Variants in ANGPT1 observed in about 807,000 individuals in gnomAD.
ANGPT1 encodes the protein angiopoietin-1.
Under a neutral mutation model 62.2 loss-of-function variants are expected in ANGPT1, and 17 were observed. That is an observed-to-expected ratio of 0.27 (90% CI 0.19 to 0.41). The LOEUF is 0.41. Among genes scored for constraint, ANGPT1 ranks in the 10% least tolerant of loss-of-function variants. ANGPT1 has a pLI of 1.00. For synonymous variants in ANGPT1, 199 were observed against 198.9 expected, an observed-to-expected ratio of 1.00 and a Z score of 0.00; for missense variants, 478 against 594.9, an observed-to-expected ratio of 0.80 and a Z score of 2.04.
At chr8:107,376,548 T>C (rs1210602701) in intron 1 of ANGPT1, among the ~76,000 whole-genome samples, 3 of 152,172 alleles carry the variant, frequency 2.0e-5, no homozygotes, top group Admixed American at 1.3e-4. Flanking sequence ...TTTTGTTTTT[T>C]TGTGGGTTTT....
rs4734972 is a variant in ANGPT1 at position 107,461,066 on chromosome 8, A to G, written c.297+36196T>C. Among the ~76,000 whole-genome samples, 7 of 151,902 alleles carry G rather than the reference A, an allele frequency of 4.6e-5. No homozygotes were observed. The East Asian group carries it at 1.4e-3, about 29-fold the overall frequency. ...AAATATGAAACATCTTTATGGAAAG[A>G]TAATTTTATCTAAATATGTGTAACT... is the stretch of plus-strand genomic sequence containing the variant. On this transcript the variant is annotated intron_variant, in intron 1 of 8. Transcript: ENST00000517746.
chr8:107,308,080 T>C (rs1814763224), intron 4 of ANGPT1, among the ~76,000 whole-genome samples: 1 of 152,240 alleles, frequency 6.6e-6, no homozygotes, highest in East Asian at 1.9e-4. Flanking sequence ...AATCATCCTA[T>C]ATTATTATTT....
intron 1 of ANGPT1, among the ~76,000 whole-genome samples, chr8:107,380,774 A>T (rs536404371): frequency 6.6e-6 from 1 of 152,298 alleles, no homozygotes; most frequent in African/African-American, 2.4e-5. Context: ...TTGCTACTCA[A>T]GTAGGGCAGA....
intron 2 of ANGPT1, among the ~76,000 whole-genome samples, chr8:107,338,226 CA>C (rs1815616290): frequency 6.6e-6 from 1 of 152,174 alleles, no homozygotes; most frequent in Admixed American, 6.5e-5. Flanking sequence ...GTGAGAGAGG[CA>C]AATGCCTCAG....
At chr8:107,452,487 T>C (rs1811803050) in intron 1 of ANGPT1, among the ~76,000 whole-genome samples, 1 of 151,028 alleles carries the variant, frequency 6.6e-6, no homozygotes, top group African/African-American at 2.4e-5. Context: ...TTTCTTTATT[T>C]TTATTTTTTT....
chr8:107,415,955 G>A (rs1446103371), intron 1 of ANGPT1, among the ~76,000 whole-genome samples: 1 of 152,088 alleles, frequency 6.6e-6, no homozygotes, highest in Non-Finnish European at 1.5e-5. Context: ...TCCATTATAG[G>A]GGAGTGGAGA....
At chr8:107,331,460 A>C (rs1439338472) in intron 3 of ANGPT1, among the ~76,000 whole-genome samples, 1 of 152,202 alleles carries the variant, frequency 6.6e-6, no homozygotes, top group African/African-American at 2.4e-5. Context: ...GTTTTAAGAG[A>C]ATAACTTGAC....
chr8:107,362,189 T>C (rs1261145950), intron 1 of ANGPT1, among the ~76,000 whole-genome samples: 1 of 152,240 alleles, frequency 6.6e-6, no homozygotes, highest in Admixed American at 6.5e-5. Flanking sequence ...AAGTTTTATA[T>C]GTGTCCTATG....
At chr8:107,286,993 A>G (rs189681663) in intron 6 of ANGPT1, among the ~76,000 whole-genome samples, 4 of 152,294 alleles carry the variant, frequency 2.6e-5, no homozygotes, top group Admixed American at 2.0e-4. Flanking sequence ...ATCAATTACA[A>G]CAGCCCCTGG....
chr8:107,466,707 T>A (rs1231879184), intron 1 of ANGPT1, among the ~76,000 whole-genome samples: 1 of 151,532 alleles, frequency 6.6e-6, no homozygotes, highest in Non-Finnish European at 1.5e-5. Context: ...AGGTCAGGAG[T>A]TTGAGATTAG....
chr8:107,497,231 G>A (rs1200137401), intron 1 of ANGPT1, 31 bp downstream of exon 1: 1 of 1,603,816 alleles, frequency 6.2e-7, no homozygotes. Context: ...AAAAAGGTCC[G>A]TGCTATTAGA....
chr8:107,413,609 AT>A (rs1214552444), intron 1 of ANGPT1, among the ~76,000 whole-genome samples: 1 of 150,150 alleles, frequency 6.7e-6, no homozygotes, highest in Non-Finnish European at 1.5e-5. Context: ...ATATGCATTA[AT>A]TTAATGAATT....
At chr8:107,352,640 C>A (rs776827594) in intron 1 of ANGPT1, among the ~76,000 whole-genome samples, 3 of 152,128 alleles carry the variant, frequency 2.0e-5, no homozygotes, top group Non-Finnish European at 4.4e-5. Context: ...TAAACCAGAG[C>A]ATATCTTAAA....
chr8:107,303,106 G>A, intron 5 of ANGPT1, 134 bp downstream of exon 5: 2 of 976,164 alleles, frequency 2.0e-6, no homozygotes, highest in Middle Eastern at 5.7e-4. Context: ...GGGAAACAGA[G>A]TATCTCTGGG....
intron 1 of ANGPT1, among the ~76,000 whole-genome samples, chr8:107,479,213 A>G (rs1812614288): frequency 6.6e-6 from 1 of 151,902 alleles, no homozygotes; most frequent in South Asian, 2.1e-4. Context: ...AATAATACCT[A>G]TTGTTTCCTG....
chr8:107,409,971 ATCC>A (rs1817231441), intron 1 of ANGPT1, among the ~76,000 whole-genome samples: 4 of 151,964 alleles, frequency 2.6e-5, no homozygotes, highest in Admixed American at 2.6e-4. Flanking sequence ...CCATCCATCC[ATCC>A]ATCCATCCAT....
chr8:107,336,224 T>C lies in ANGPT1; in HGVS notation c.501A>G (p.Ser167=). 6.2e-7 allele frequency: 1 copy of C among 1,609,084 alleles called. No homozygotes were observed. The highest frequency in any genetic ancestry group is 1.7e-4 in the Middle Eastern group (1 of 5,932). ...SRLEIQLLEN[S]LSTYKLEKQL... ...GCTTCTCTAGCTTGTAGGTGGATAATGAATTCTCCAGCAGCTGTATCTCAA... is the reference window on the plus strand; with the variant it reads ...GCTTCTCTAGCTTGTAGGTGGATAACGAATTCTCCAGCAGCTGTATCTCAA... The change falls in exon 3 of 9, where the codon TCA becomes TCG. Residue 167 remains serine, a synonymous_variant. Coordinates refer to ENST00000517746, the MANE Select transcript of ANGPT1 (RefSeq NM_001146.5).
chr8:107,399,708 C>T (rs1168063994), intron 1 of ANGPT1, among the ~76,000 whole-genome samples: 1 of 152,186 alleles, frequency 6.6e-6, no homozygotes, highest in Middle Eastern at 3.4e-3. Context: ...CCTTTCCACT[C>T]CATTAAAAGA....
At chr8:107,306,643 C>T (rs1814724912) in intron 4 of ANGPT1, among the ~76,000 whole-genome samples, 1 of 151,968 alleles carries the variant, frequency 6.6e-6, no homozygotes, top group Admixed American at 6.6e-5. Flanking sequence ...CTGAACATTG[C>T]AAGTGTCAGC....
Sources: allele counts gnomAD v4.1 joint callset (sites outside exome capture counted in the v4.1 genomes callset), GRCh38; gene constraint gnomAD v4.1.1; transcripts MANE v1.5; gene names NCBI Gene and HGNC (gene_info 2026-07-23, HGNC 2026-07-21).